CTNNA2: variants seen among roughly 807,000 people sequenced by gnomAD.
CTNNA2 encodes the protein catenin alpha-2.
Under a neutral mutation model 101.0 loss-of-function variants are expected in CTNNA2, and 42 were observed. That is an observed-to-expected ratio of 0.42 (90% confidence interval 0.32 to 0.54). The LOEUF (loss-of-function observed/expected upper bound fraction) is 0.54. CTNNA2 is among the 20% of genes least tolerant of loss of function. The pLI is 0.14. For synonymous variants in CTNNA2, 450 were observed against 456.4 expected, an observed-to-expected ratio of 0.99 and a Z score of 0.18; for missense variants, 871 against 1,223.1, an observed-to-expected ratio of 0.71 and a Z score of 4.29.
intron 3 of CTNNA2, chr2:79,339,577 G>A (rs1375438670): frequency 6.6e-6 from 1 of 152,118 alleles, no homozygotes; most frequent in Non-Finnish European, 1.5e-5. Context: ...GATTCAATAA[G>A]CCCGCAAGTT....
At chr2:79,724,213 T>TG (rs1280524812) in intron 2 of CTNNA2, among the ~76,000 whole-genome samples, 1 of 151,446 alleles carries the variant, frequency 6.6e-6, no homozygotes, top group Non-Finnish European at 1.5e-5. Context: ...TTTCTTCTTT[T>TG]GGCTCTGGGT....
chr2:80,576,659 TG>T (rs1695073756), intron 13 of CTNNA2, among the ~76,000 whole-genome samples: 1 of 151,902 alleles, frequency 6.6e-6, no homozygotes, highest in South Asian at 2.1e-4. Flanking sequence ...CCTTGTTTTA[TG>T]TGAGTTTGTG....
At chr2:80,476,813 T>G (rs895076466) in intron 9 of CTNNA2, among the ~76,000 whole-genome samples, 1 of 152,150 alleles carries the variant, frequency 6.6e-6, no homozygotes, top group African/African-American at 2.4e-5. Context: ...GCTAATTACA[T>G]GTTGTTCACC....
At chr2:79,628,700 G>A (rs567038019) in intron 1 of CTNNA2, among the ~76,000 whole-genome samples, 2 of 152,146 alleles carry the variant, frequency 1.3e-5, no homozygotes, top group East Asian at 1.9e-4. Context: ...TTCCTTAATG[G>A]AATTTTTCTC....
At chr2:80,518,137 T>A (rs1223231231) in intron 9 of CTNNA2, among the ~76,000 whole-genome samples, 1 of 152,246 alleles carries the variant, frequency 6.6e-6, no homozygotes, top group African/African-American at 2.4e-5. Context: ...TTTGACAATT[T>A]GAAATCTCAA....
intron 7 of CTNNA2, among the ~76,000 whole-genome samples, chr2:80,222,077 A>G (rs1171302631): frequency 6.6e-6 from 1 of 152,166 alleles, no homozygotes; most frequent in Admixed American, 6.5e-5. Context: ...GAGCAAACCA[A>G]CACATCCCCT....
intron 15 of CTNNA2, chr2:80,601,506 T>G (rs1183843528): frequency 1.3e-5 from 2 of 149,796 alleles, no homozygotes; most frequent in East Asian, 4.0e-4. Flanking sequence ...AGAATCTCCT[T>G]TCTGGTCTGT....
intron 7 of CTNNA2, among the ~76,000 whole-genome samples, chr2:80,030,231 T>TAA (rs199886453): frequency 8.0e-5 from 11 of 137,936 alleles, no homozygotes; most frequent in African/African-American, 2.6e-4. Context: ...GAATTATTGT[T>TAA]AAAAAAAAAA....
intron 4 of CTNNA2, among the ~76,000 whole-genome samples, chr2:79,411,138 G>T (rs910991009): frequency 2.0e-5 from 3 of 152,006 alleles, no homozygotes; most frequent in Admixed American, 6.6e-5. Flanking sequence ...TGTGGGATCG[G>T]TGGTGATATC....
intron 4 of CTNNA2, among the ~76,000 whole-genome samples, chr2:79,492,829 G>A (rs1168974798): frequency 6.6e-6 from 1 of 152,114 alleles, no homozygotes; most frequent in Non-Finnish European, 1.5e-5. Context: ...CTGGAAAAAT[G>A]AGTCTAGTAA....
At chr2:79,693,325 G>C (rs1034828528) in intron 2 of CTNNA2, among the ~76,000 whole-genome samples, 1 of 152,000 alleles carries the variant, frequency 6.6e-6, no homozygotes, top group Admixed American at 6.6e-5. Context: ...ATTTTATTAT[G>C]AAAATTTTTC....
At chr2:79,878,692 A>G (rs967749768) in intron 6 of CTNNA2, among the ~76,000 whole-genome samples, 2 of 151,710 alleles carry the variant, frequency 1.3e-5, no homozygotes, top group Non-Finnish European at 3.0e-5. Flanking sequence ...TTGTTTTTGT[A>G]AATTTAAGTT....
chr2:80,571,667 G>A (rs530341680), intron 12 of CTNNA2, among the ~76,000 whole-genome samples: 4 of 152,012 alleles, frequency 2.6e-5, no homozygotes, highest in African/African-American at 4.8e-5. Flanking sequence ...TTTCCCACTC[G>A]AACTTTGACC....
In CTNNA2 at chr2:80,302,670, G is replaced by C; in HGVS notation, c.1057-90541G>C. 1 of 1,611,636 alleles carries C rather than the reference G, an allele frequency of 6.2e-7. No homozygotes were observed. Among genetic ancestry groups the C allele is most frequent in the Non-Finnish European group, 8.5e-7 (1 of 1,179,638 alleles). On this transcript the variant is annotated intron_variant, in intron 7 of 18. Transcript: ENST00000402739. The surrounding 1 kb of genome is among the most constrained non-coding windows in gnomAD (Gnocchi z 6.4). ...GTGGCCGAGCTGGCAGGGGGCCCCAGATCACTGCGGTTGGTGACGGCCGAG... is the reference window on the plus strand; with the variant it reads ...GTGGCCGAGCTGGCAGGGGGCCCCACATCACTGCGGTTGGTGACGGCCGAG...
intron 4 of CTNNA2, among the ~76,000 whole-genome samples, chr2:79,864,038 G>A (rs1001766169): frequency 6.6e-6 from 1 of 152,126 alleles, no homozygotes; most frequent in African/African-American, 2.4e-5. Flanking sequence ...CTTTCCTCTG[G>A]CAGCGTCTAT....
chr2:80,477,682 A>G (rs901440785), intron 9 of CTNNA2, among the ~76,000 whole-genome samples: 1 of 151,342 alleles, frequency 6.6e-6, no homozygotes, highest in Non-Finnish European at 1.5e-5. Context: ...TGCAAAAGAC[A>G]TTATTTTATT....
intron 7 of CTNNA2, among the ~76,000 whole-genome samples, chr2:79,987,839 G>C (rs1691874220): frequency 6.6e-6 from 1 of 152,190 alleles, no homozygotes; most frequent in South Asian, 2.1e-4. Flanking sequence ...AGAATACAGT[G>C]ACACCAGTAA....
At chr2:79,501,582 G>A (rs550905866) in intron 4 of CTNNA2, among the ~76,000 whole-genome samples, 8 of 152,274 alleles carry the variant, frequency 5.3e-5, no homozygotes, top group Non-Finnish European at 8.8e-5. Flanking sequence ...ATTGCTTATA[G>A]AAACAAAATT....
At chr2:79,292,020 T>C (rs1675834078) in intron 2 of CTNNA2, among the ~76,000 whole-genome samples, 1 of 151,784 alleles carries the variant, frequency 6.6e-6, no homozygotes, top group African/African-American at 2.4e-5. Flanking sequence ...AGCTCACCTG[T>C]GGGGGTGGTT....
Sources: gnomAD v4.1 joint callset for allele counts (sites outside exome capture counted in the v4.1 genomes callset) on GRCh38, gnomAD v4.1.1 for gene constraint, Gnocchi (gnomAD v3.1) non-coding constraint, MANE v1.5 for transcripts, NCBI Gene and HGNC (gene_info 2026-07-23, HGNC 2026-07-21) for gene names.